Variants in ANKRD17 observed in about 807,000 individuals in gnomAD.
ANKRD17 encodes ankyrin repeat domain-containing protein 17.
A neutral mutation model predicts 229.7 loss-of-function variants in ANKRD17; 19 were observed. The observed-to-expected ratio is 0.08, with a 90% CI of 0.06 to 0.12. The LOEUF (loss-of-function observed/expected upper bound fraction) is 0.12, where lower values mean the gene tolerates loss of function less well. Ranked by LOEUF, ANKRD17 falls within the 10% of genes least tolerant of loss-of-function variation. ANKRD17 has a pLI of 1.00. For synonymous variants in ANKRD17, 1,112 were observed against 1,146.1 expected (o/e 0.97, Z 0.60); for missense variants, 2,176 against 3,176.8 (o/e 0.68, Z 7.57).
intron 1 of ANKRD17, among the ~76,000 whole-genome samples, chr4:73,203,758 CAAAA>C (rs67020753): frequency 3.7e-5 from 3 of 82,168 alleles, no homozygotes. Context: ...GACTCCGTCT[CAAAA>C]AAAAAAAAAA....
At chr4:73,088,175 A>T (rs1722398993) in intron 29 of ANKRD17, among the ~76,000 whole-genome samples, 1 of 152,228 alleles carries the variant, frequency 6.6e-6, no homozygotes. Context: ...ACAAATAATC[A>T]AATTATTTAC....
At chr4:73,238,993 T>C (rs1178482111) in intron 1 of ANKRD17, among the ~76,000 whole-genome samples, 1 of 152,150 alleles carries the variant, frequency 6.6e-6, no homozygotes, top group African/African-American at 2.4e-5. Context: ...CATAAACCAA[T>C]TAGAATTGTG....
At chr4:73,244,189 T>G (rs1181152291) in intron 1 of ANKRD17, among the ~76,000 whole-genome samples, 1 of 152,186 alleles carries the variant, frequency 6.6e-6, no homozygotes, top group African/African-American at 2.4e-5. Flanking sequence ...GAACCTTAAT[T>G]ACATTTTTAA....
chr4:73,081,227 T>G (rs1347540219), intron 30 of ANKRD17, among the ~76,000 whole-genome samples: 2 of 152,234 alleles, frequency 1.3e-5, no homozygotes, highest in African/African-American at 4.8e-5. Context: ...TTAACTGGTT[T>G]AATTAATTAT....
At chr4:73,120,102 G>T in intron 21 of ANKRD17, 60 bp downstream of exon 21, 1 of 1,510,744 alleles carries the variant, frequency 6.6e-7, no homozygotes, top group Non-Finnish European at 9.2e-7. Context: ...ATTGCCTAGA[G>T]AGAATGATAA....
chr4:73,215,666 G>A (rs534789991), intron 1 of ANKRD17, among the ~76,000 whole-genome samples: 5 of 152,248 alleles, frequency 3.3e-5, no homozygotes, highest in Admixed American at 6.5e-5. Context: ...TGCACAATAA[G>A]CCAGTGAGTT....
In ANKRD17 at chr4:73,100,205, G is replaced by A. The variant is rs528133976; in HGVS notation, c.4574-1685C>T. On this transcript the variant is annotated intron_variant, in intron 25 of 33. Transcript: ENST00000358602. Reference sequence around the variant, plus strand: ...CCTCATTGCCTCCTGTTCTGGCCACGATCCCCTCCCCTAAGATACTCTTTG... The same window carrying A: ...CCTCATTGCCTCCTGTTCTGGCCACAATCCCCTCCCCTAAGATACTCTTTG... Among the ~76,000 whole-genome samples the A allele has an allele frequency of 3.3e-5, 5 of 152,160 alleles. No homozygotes were observed. In the East Asian group the frequency reaches 9.7e-4, roughly 29 times the overall value.
chr4:73,139,832 C>T lies in ANKRD17; in HGVS notation c.2784G>A (p.Arg928=), dbSNP rs143265927. ...GEQLSEGDYA[R]LQQVDPVLLK... Reference sequence around the variant, plus strand: ...GTAAAACAGGATCCACTTGCTGTAACCGTGCATAGTCTCCCTCAGAAAGCT... The same window carrying T: ...GTAAAACAGGATCCACTTGCTGTAATCGTGCATAGTCTCCCTCAGAAAGCT... Residue 928 remains arginine, a synonymous_variant, in exon 15 of 34, where the codon CGG becomes CGA. Coordinates refer to ENST00000358602, the MANE Select transcript of ANKRD17 (RefSeq NM_032217.5). The T allele has an allele frequency of 2.5e-4, 407 of 1,614,220 alleles. 3 individuals are homozygous for T. The African/African-American group carries it at 4.9e-3, about 19-fold the overall frequency.
At chr4:73,221,382 A>C (rs1245553604) in intron 1 of ANKRD17, among the ~76,000 whole-genome samples, 2 of 152,156 alleles carry the variant, frequency 1.3e-5, no homozygotes, top group Non-Finnish European at 2.9e-5. Flanking sequence ...TAAAGCACAA[A>C]ACAGTGCTCA....
At chr4:73,108,427 G>C (rs891042427) in intron 24 of ANKRD17, among the ~76,000 whole-genome samples, 4 of 152,188 alleles carry the variant, frequency 2.6e-5, no homozygotes, top group African/African-American at 9.7e-5. Flanking sequence ...AAGACCACCA[G>C]TGGATAAAGA....
chr4:73,076,984 T>C lies in ANKRD17; in HGVS notation c.7708A>G (p.Ile2570Val), dbSNP rs1456957468. 1 of 1,613,368 alleles carries C rather than the reference T, an allele frequency of 6.2e-7. No homozygotes were observed. Among genetic ancestry groups the C allele is most frequent in the Non-Finnish European group, 8.5e-7 (1 of 1,179,658 alleles). The change falls in exon 33 of 34, where the codon ATA (isoleucine) becomes GTA (valine). Residue 2570 changes from isoleucine (I) to valine (V), a missense_variant. Ile to Val is a conservative substitution (Grantham distance 29). Around this residue, in one of 18 missense-constraint regions of ANKRD17, gnomAD observed 159 missense variants for 214.3 expected, o/e 0.74. Coordinates refer to ENST00000358602, the MANE Select transcript of ANKRD17 (RefSeq NM_032217.5). ...HAADPSWNSL[I>V]KMVSSSTENN... ...TCCGTGGAGCTGGAAACCATCTTTA[T>C]CAGTGAGTTCCAAGAAGGGTCTGCA...
chr4:73,121,541 TA>T (rs1415736079), intron 19 of ANKRD17, 75 bp downstream of exon 19: 3 of 1,567,244 alleles, frequency 1.9e-6, no homozygotes, highest in African/African-American at 1.4e-5. Context: ...AATTTGGCAC[TA>T]AAAAATAGGT....
intron 24 of ANKRD17, among the ~76,000 whole-genome samples, chr4:73,111,704 T>A (rs1270330848): frequency 6.6e-6 from 1 of 152,176 alleles, no homozygotes; most frequent in East Asian, 1.9e-4. Flanking sequence ...TTATTTAAAA[T>A]CACTATCAAA....
intron 1 of ANKRD17, among the ~76,000 whole-genome samples, chr4:73,178,610 T>C (rs1041363552): frequency 2.0e-5 from 3 of 152,086 alleles, no homozygotes; most frequent in Admixed American, 6.6e-5. Flanking sequence ...AATGTCAACA[T>C]AGTAAAAAAG....
At chr4:73,231,459 C>G (rs1352708073) in intron 1 of ANKRD17, among the ~76,000 whole-genome samples, 1 of 152,180 alleles carries the variant, frequency 6.6e-6, no homozygotes, top group African/African-American at 2.4e-5. Flanking sequence ...TCTGCTATTT[C>G]CAGCCTAATC....
chr4:73,190,855 A>G (rs1361692558), intron 1 of ANKRD17, among the ~76,000 whole-genome samples: 1 of 152,032 alleles, frequency 6.6e-6, no homozygotes, highest in Non-Finnish European at 1.5e-5. Flanking sequence ...TGTAAGACCT[A>G]CAGGAAAAAA....
At chr4:73,134,880 A>T (rs368615169) in intron 16 of ANKRD17, among the ~76,000 whole-genome samples, 4 of 152,158 alleles carry the variant, frequency 2.6e-5, no homozygotes, top group Non-Finnish European at 5.9e-5. Flanking sequence ...CTTGTGAACT[A>T]AAGTTAAAAA....
At chr4:73,210,450 T>A (rs1272609255) in intron 1 of ANKRD17, among the ~76,000 whole-genome samples, 2 of 152,006 alleles carry the variant, frequency 1.3e-5, no homozygotes, top group African/African-American at 2.4e-5. Context: ...AATAAATGAG[T>A]GTGTGTGTAT....
At chr4:73,133,547 T>C (rs1728512523) in intron 16 of ANKRD17, among the ~76,000 whole-genome samples, 1 of 151,484 alleles carries the variant, frequency 6.6e-6, no homozygotes. Context: ...TGCGCCACAA[T>C]GCCCAGCTAA....
Sources: gnomAD v4.1 joint callset for allele counts (sites outside exome capture counted in the v4.1 genomes callset) on GRCh38, gnomAD v4.1.1 for gene constraint, gnomAD v4.1.1 regional missense constraint, MANE v1.5 for transcripts, NCBI Gene and HGNC (gene_info 2026-07-23, HGNC 2026-07-21) for gene names.